The following RPH3A variants were observed in gnomAD, a reference collection of about 807,000 sequenced individuals.
RPH3A encodes the protein rabphilin-3A.
In RPH3A, 48 loss-of-function variants were observed where a neutral mutation model predicts 102.2. The observed-to-expected ratio is 0.47, with a 90% CI of 0.37 to 0.60. The LOEUF (loss-of-function observed/expected upper bound fraction) is 0.60, where lower values mean the gene tolerates loss of function less well. Ranked by LOEUF, RPH3A falls within the 20% of genes least tolerant of loss-of-function variation. The probability of loss-of-function intolerance (pLI) is 0.00; values close to 1 mark genes in which losing one functional copy is unlikely to be tolerated. For synonymous variants in RPH3A, 310 were observed against 324.3 expected (o/e 0.96, Z 0.47); for missense variants, 781 against 910.1 (o/e 0.86, Z 1.83).
rs572295279 is a variant in RPH3A at position 112,874,958 on chromosome 12, G to A, written c.797-126G>A. On this transcript the variant is annotated intron_variant, in intron 10 of 21. Transcript: ENST00000389385. The stretch of plus-strand genomic sequence containing the variant: ...AGAAGAGTCAGAAAGAGCTGAGCGA[G>A]TGAGGAGCTGCCTCCAGTGAAAGTC... 84 of 670,558 alleles carry A rather than the reference G, an allele frequency of 1.3e-4. No individual in the cohort carries two copies. In the East Asian group the frequency reaches 2.2e-3, roughly 18 times the overall value. 41.5% of individuals were successfully genotyped at this position (670,558 alleles called of 1,614,324 possible).
At chr12:112,801,370 C>A (rs575448421) in intron 2 of RPH3A, among the ~76,000 whole-genome samples, 1 of 152,190 alleles carries the variant, frequency 6.6e-6, no homozygotes, top group East Asian at 1.9e-4. Flanking sequence ...TAGAACCTGC[C>A]GCTGTTTCTG....
At chr12:112,816,535 C>T (rs1043724325) in intron 2 of RPH3A, among the ~76,000 whole-genome samples, 2 of 152,160 alleles carry the variant, frequency 1.3e-5, no homozygotes, top group Non-Finnish European at 2.9e-5. Context: ...TGAGTATGCA[C>T]TGGCTTTGAA....
intron 4 of RPH3A, among the ~76,000 whole-genome samples, chr12:112,846,084 G>C (rs1272628420): frequency 6.6e-6 from 1 of 152,178 alleles, no homozygotes; most frequent in Non-Finnish European, 1.5e-5. Flanking sequence ...GGACAGAGGG[G>C]CAGGTAAAGG....
At chr12:112,626,621 C>G (rs1192873788) in intron 1 of RPH3A, among the ~76,000 whole-genome samples, 1 of 148,514 alleles carries the variant, frequency 6.7e-6, no homozygotes, top group Non-Finnish European at 1.5e-5. Flanking sequence ...GGACTGTAAA[C>G]TAGTTCAACC....
intron 1 of RPH3A, among the ~76,000 whole-genome samples, chr12:112,699,955 CAGA>C (rs1390645608): frequency 6.6e-6 from 1 of 152,044 alleles, no homozygotes. Flanking sequence ...ATGCCTGGCA[CAGA>C]AGAAGAGTTC....
Position 112,631,739 on chromosome 12 carries a change from G to A in RPH3A, c.-140+56420G>A, listed in dbSNP as rs151144967. 7.8e-3 allele frequency among the ~76,000 whole-genome samples: 1,183 copies of A among 152,066 alleles called. 12 individuals are homozygous for A. Among genetic ancestry groups the A allele is most frequent in the African/African-American group, 0.027 (1,125 of 41,464 alleles). ...GGCTCTCCTCATGTTGCCCAGGCTGGTCTCGAACTTCTGAGCTCAAGCAAT... is the reference window on the plus strand; with the variant it reads ...GGCTCTCCTCATGTTGCCCAGGCTGATCTCGAACTTCTGAGCTCAAGCAAT... On this transcript the variant is annotated intron_variant, in intron 1 of 21. Transcript: ENST00000543106.
At chr12:112,797,642 G>C (rs578223422) in intron 2 of RPH3A, among the ~76,000 whole-genome samples, 7 of 152,064 alleles carry the variant, frequency 4.6e-5, no homozygotes, top group Non-Finnish European at 1.0e-4. Flanking sequence ...TGTCCAGCCA[G>C]GCTAGGTCTT....
At chr12:112,582,707 C>T (rs1264834897) in intron 1 of RPH3A, among the ~76,000 whole-genome samples, 63 of 151,038 alleles carry the variant, frequency 4.2e-4, no homozygotes, top group Admixed American at 4.2e-3. Flanking sequence ...AGTGATCCAC[C>T]TGCCTTGGCT....
intron 1 of RPH3A, among the ~76,000 whole-genome samples, chr12:112,712,218 T>C (rs57993576): frequency 0.031 from 4,729 of 152,254 alleles, 272 homozygotes; most frequent in African/African-American, 0.11. Context: ...CACACACGCA[T>C]GCACGCACGC....
chr12:112,840,022 A>T (rs2042115754), intron 4 of RPH3A, among the ~76,000 whole-genome samples: 1 of 151,934 alleles, frequency 6.6e-6, no homozygotes, highest in Non-Finnish European at 1.5e-5. Context: ...ATAGACCCTG[A>T]CTCTTTGGTG....
intron 1 of RPH3A, among the ~76,000 whole-genome samples, chr12:112,690,232 G>A (rs1365246508): frequency 2.0e-5 from 3 of 152,136 alleles, no homozygotes; most frequent in East Asian, 1.9e-4. Flanking sequence ...TTAAAAAATT[G>A]GTTTGAAATA....
At chr12:112,744,596 A>G (rs1322168315) in intron 1 of RPH3A, among the ~76,000 whole-genome samples, 1 of 152,208 alleles carries the variant, frequency 6.6e-6, no homozygotes, top group Non-Finnish European at 1.5e-5. Context: ...TGTGTGTGCC[A>G]GAGACTATTC....
chr12:112,764,247 A>G (rs369662895), intron 1 of RPH3A, among the ~76,000 whole-genome samples: 1 of 152,254 alleles, frequency 6.6e-6, no homozygotes, highest in Non-Finnish European at 1.5e-5. Context: ...TTATGTACCA[A>G]CTTGAGATTA....
chr12:112,667,865 C>G (rs944147995), intron 1 of RPH3A, among the ~76,000 whole-genome samples: 1 of 152,180 alleles, frequency 6.6e-6, no homozygotes, highest in African/African-American at 2.4e-5. Context: ...CCTGCTTCAT[C>G]TGATCTCTTG....
chr12:112,734,512 C>G (rs2040655118), intron 1 of RPH3A, among the ~76,000 whole-genome samples: 1 of 152,168 alleles, frequency 6.6e-6, no homozygotes, highest in Non-Finnish European at 1.5e-5. Flanking sequence ...GTTCTTGGAT[C>G]TTGCTTAAGA....
intron 1 of RPH3A, among the ~76,000 whole-genome samples, chr12:112,713,036 T>TCTTCTTCTC (rs2040486573): frequency 2.3e-5 from 2 of 85,654 alleles, no homozygotes; most frequent in Non-Finnish European, 4.2e-5. Context: ...TTCTTCTTCT[T>TCTTCTTCTC]CTTCTTCTTC....
chr12:112,725,211 T>A (rs113707958), intron 1 of RPH3A, among the ~76,000 whole-genome samples: 38 of 120,722 alleles, frequency 3.1e-4, no homozygotes, highest in African/African-American at 1.0e-3. Flanking sequence ...ATCGTGCCAC[T>A]GCACTCCAGC....
At position 112,634,549 on chromosome 12, in the gene RPH3A, C is replaced by CAA. The variant is rs59376255; in HGVS notation, c.-140+59246_-140+59247dup. 4.0e-3 allele frequency among the ~76,000 whole-genome samples: 420 copies of CAA among 103,830 alleles called. 6 individuals carry two copies. The highest frequency in any genetic ancestry group is 9.3e-3 in the African/African-American group (252 of 27,206). 68.1% of individuals were successfully genotyped at this position (103,830 alleles called of 152,430 possible). On this transcript the variant is annotated intron_variant, in intron 1 of 21. Transcript: ENST00000543106. ...CAAGCCCAGGCAACAGAGCAAGACT[C>CAA]AAAAAAAAAAAAAAAAAGGGTCACT...
chr12:112,818,587 C>A (rs574258751), intron 2 of RPH3A, among the ~76,000 whole-genome samples: 2 of 152,154 alleles, frequency 1.3e-5, no homozygotes, highest in Admixed American at 1.3e-4. Context: ...AGCAAAAGAC[C>A]AACTCAGGTC....
Sources: allele counts gnomAD v4.1 joint callset (sites outside exome capture counted in the v4.1 genomes callset), GRCh38; gene constraint gnomAD v4.1.1; transcripts MANE v1.5; gene names NCBI Gene and HGNC (gene_info 2026-07-23, HGNC 2026-07-21).